Variants in SLC2A13 observed in about 807,000 individuals in gnomAD.
SLC2A13 encodes proton myo-inositol cotransporter.
SLC2A13 carries 32 observed loss-of-function variants against 64.4 expected under a neutral mutation model. That is an observed-to-expected ratio of 0.50 (90% CI 0.37 to 0.67). The LOEUF is 0.67. SLC2A13 is among the 30% of genes least tolerant of loss of function. SLC2A13 has a pLI of 0.00. For missense variants in SLC2A13, 743 were observed against 829.2 expected, an observed-to-expected ratio of 0.90 and a Z score of 1.28; for synonymous variants, 338 against 327.1, an observed-to-expected ratio of 1.03 and a Z score of -0.36.
At chr12:39,772,340 C>T (rs1940612867) in intron 7 of SLC2A13, among the ~76,000 whole-genome samples, 1 of 152,090 alleles carries the variant, frequency 6.6e-6, no homozygotes, top group Non-Finnish European at 1.5e-5. Flanking sequence ...AAAGATTAAA[C>T]AAGGTGATAA....
At chr12:39,859,568 G>A (rs990309233) in intron 6 of SLC2A13, among the ~76,000 whole-genome samples, 1 of 152,084 alleles carries the variant, frequency 6.6e-6, no homozygotes, top group Non-Finnish European at 1.5e-5. Context: ...TGTCACCCAG[G>A]CTGGAGTGCA....
At chr12:40,104,576 A>G (rs1435086754) in intron 1 of SLC2A13, among the ~76,000 whole-genome samples, 4 of 152,234 alleles carry the variant, frequency 2.6e-5, no homozygotes, top group African/African-American at 4.8e-5. Flanking sequence ...AAAGAGGAGA[A>G]TGGATAAAAA....
chr12:39,951,007 T>A (rs1409576575), intron 4 of SLC2A13: 2 of 407,996 alleles, frequency 4.9e-6, no homozygotes, highest in Non-Finnish European at 8.6e-6. Flanking sequence ...AGGTATTGGA[T>A]GGCGTAAAAG....
intron 6 of SLC2A13, among the ~76,000 whole-genome samples, chr12:39,846,653 C>T (rs369273784): frequency 2.6e-5 from 4 of 152,140 alleles, no homozygotes; most frequent in Non-Finnish European, 4.4e-5. Flanking sequence ...GATTTTGCCA[C>T]GTTGCCCAGG....
At chr12:39,981,488 G>C (rs892876799) in intron 3 of SLC2A13, among the ~76,000 whole-genome samples, 7 of 150,326 alleles carry the variant, frequency 4.7e-5, no homozygotes, top group Non-Finnish European at 1.0e-4. Flanking sequence ...AAATGATAAA[G>C]GGGATATCAC....
chr12:39,788,246 G>C (rs542639686), intron 7 of SLC2A13, among the ~76,000 whole-genome samples: 1 of 152,192 alleles, frequency 6.6e-6, no homozygotes, highest in South Asian at 2.1e-4. Context: ...GGCACAGTAA[G>C]AGATTAACAA....
chr12:40,041,473 T>G (rs1475857297), intron 2 of SLC2A13, among the ~76,000 whole-genome samples: 1 of 152,176 alleles, frequency 6.6e-6, no homozygotes, highest in African/African-American at 2.4e-5. Context: ...TGAGGCTAAG[T>G]TATTCATTCA....
At chr12:39,971,111 T>C (rs1485063407) in intron 3 of SLC2A13, among the ~76,000 whole-genome samples, 1 of 152,162 alleles carries the variant, frequency 6.6e-6, no homozygotes, top group African/African-American at 2.4e-5. Context: ...TTTTATTTAG[T>C]TCCTATTTTA....
intron 6 of SLC2A13, among the ~76,000 whole-genome samples, chr12:39,842,372 G>A (rs2135876575): frequency 6.6e-6 from 1 of 152,126 alleles, no homozygotes; most frequent in East Asian, 1.9e-4. Context: ...CTCTAATAAA[G>A]GTTCTCTGAC....
intron 1 of SLC2A13, among the ~76,000 whole-genome samples, chr12:40,095,760 T>C (rs1025907632): frequency 6.6e-6 from 1 of 152,230 alleles, no homozygotes; most frequent in Admixed American, 6.5e-5. Flanking sequence ...ATATTAGTAA[T>C]TCAAAATAAA....
intron 7 of SLC2A13, among the ~76,000 whole-genome samples, chr12:39,779,935 C>T (rs144752400): frequency 1.3e-5 from 2 of 152,174 alleles, no homozygotes; most frequent in East Asian, 1.9e-4. Context: ...TGTGGGCTAT[C>T]GTGATGCAAA....
intron 3 of SLC2A13, among the ~76,000 whole-genome samples, chr12:39,973,783 G>A (rs954955701): frequency 2.6e-5 from 4 of 152,192 alleles, no homozygotes; most frequent in African/African-American, 9.7e-5. Flanking sequence ...AGAGGTCAAG[G>A]TATGGATGTA....
rs78416071 is a variant in SLC2A13 at position 39,932,810 on chromosome 12, G to T, written c.1034+18447C>A. On this transcript the variant is annotated intron_variant, in intron 4 of 9. Transcript: ENST00000280871. ...AGCCTCTAAGTTGAGAACAAATCTGGAGATTTTGAGAAACATGAAAGAAAA... is the reference window on the plus strand; with the variant it reads ...AGCCTCTAAGTTGAGAACAAATCTGTAGATTTTGAGAAACATGAAAGAAAA... Among the ~76,000 whole-genome samples, 563 of 148,024 alleles carry T rather than the reference G, an allele frequency of 3.8e-3. 4 individuals are homozygous for T. Among genetic ancestry groups the T allele is most frequent in the African/African-American group, 0.013 (526 of 40,666 alleles).
chr12:39,924,767 CA>C (rs1336695712), intron 4 of SLC2A13, among the ~76,000 whole-genome samples: 48 of 151,938 alleles, frequency 3.2e-4, no homozygotes, highest in African/African-American at 1.1e-3. Flanking sequence ...AAAAGTTTGG[CA>C]ATGTAAAATG....
chr12:39,968,760 GTATATATATATATA>G (rs56838055), intron 3 of SLC2A13, among the ~76,000 whole-genome samples: 905 of 59,678 alleles, frequency 0.015, 24 homozygotes, highest in African/African-American at 0.036. Context: ...TTTTTTTTTG[GTATATATATATATA>G]TATATATATA....
At chr12:40,024,638 C>G (rs750094550) in intron 3 of SLC2A13, among the ~76,000 whole-genome samples, 5 of 152,110 alleles carry the variant, frequency 3.3e-5, no homozygotes, top group Non-Finnish European at 5.9e-5. Flanking sequence ...ATTGCTCTTT[C>G]ATTTATTGTG....
chr12:39,767,481 T>A (rs73095662), intron 7 of SLC2A13, among the ~76,000 whole-genome samples: 2,401 of 152,066 alleles, frequency 0.016, 58 homozygotes, highest in African/African-American at 0.052. Flanking sequence ...AGCATTGGCT[T>A]CAACTTAAAA....
At position 40,002,669 on chromosome 12, in the gene SLC2A13, A is replaced by C. The variant is rs1947340140; in HGVS notation, c.925+25632T>G. ...TCTCTTAGGTCCTTGAGACTCTGAGAATAATATGACACAATCCATCCCCGT... is the reference window on the plus strand; with the variant it reads ...TCTCTTAGGTCCTTGAGACTCTGAGCATAATATGACACAATCCATCCCCGT... On this transcript the variant is annotated intron_variant, in intron 3 of 9. Transcript: ENST00000280871. 2.0e-5 allele frequency among the ~76,000 whole-genome samples: 3 copies of C among 152,206 alleles called. No individual in the cohort carries two copies. The South Asian group carries it at 6.2e-4, about 31-fold the overall frequency.
At chr12:39,867,139 T>C (rs1943931542) in intron 5 of SLC2A13, among the ~76,000 whole-genome samples, 1 of 152,228 alleles carries the variant, frequency 6.6e-6, no homozygotes, top group South Asian at 2.1e-4. Flanking sequence ...CCATGAGATT[T>C]ACTGTTAGTC....
Sources: allele counts gnomAD v4.1 joint callset (sites outside exome capture counted in the v4.1 genomes callset), GRCh38; gene constraint gnomAD v4.1.1; transcripts MANE v1.5; gene names NCBI Gene and HGNC (gene_info 2026-07-23, HGNC 2026-07-21).